TEX101: variants seen among roughly 807,000 people sequenced by gnomAD.
TEX101 encodes testis-expressed protein 101.
In TEX101, 10 loss-of-function variants were observed where a neutral mutation model predicts 18.1. The observed-to-expected ratio is 0.55, with a 90% CI of 0.34 to 0.94. The LOEUF is 0.94. Ranked by LOEUF, TEX101 falls within the 40% of genes least tolerant of loss-of-function variation. The pLI is 0.02. For missense variants in TEX101, 259 were observed against 298.9 expected (o/e 0.87, Z 0.98); for synonymous variants, 94 against 114.8 (o/e 0.82, Z 1.16).
chr19:43,410,681 T>C (rs10853766), upstream of TEX101, among the ~76,000 whole-genome samples: 118,776 of 151,464 alleles, frequency 0.78, 46,851 homozygotes, highest in East Asian at 0.92. Flanking sequence ...AGGAACCAGA[T>C]ACACACATGC....
intron 3 of TEX101, among the ~76,000 whole-genome samples, chr19:43,406,923 TG>T (rs1970369382): frequency 5.6e-5 from 6 of 106,558 alleles, no homozygotes; most frequent in African/African-American, 8.4e-5. Context: ...TTTTTGTCTT[TG>T]TTTTTTGTTT....
the TEX101 span, among the ~76,000 whole-genome samples, chr19:43,391,406 C>CTTTTTTTTTTTTTTTTTTTT: frequency 8.3e-5 from 8 of 95,896 alleles, no homozygotes; most frequent in Admixed American, 2.3e-4. Context: ...TTCTGTTTTT[C>CTTTTTTTTTTTTTTTTTTTT]TTTTTTTTTT....
chr19:43,389,408 T>A, the TEX101 span, among the ~76,000 whole-genome samples: 1 of 152,126 alleles, frequency 6.6e-6, no homozygotes, highest in Non-Finnish European at 1.5e-5. Flanking sequence ...ATTTTTTGAG[T>A]GGGGATCGGG....
the TEX101 span, among the ~76,000 whole-genome samples, chr19:43,391,066 C>CG: frequency 6.6e-6 from 1 of 152,192 alleles, no homozygotes; most frequent in Non-Finnish European, 1.5e-5. Flanking sequence ...TGTTGAAGCA[C>CG]CATCAGAACC....
upstream of TEX101, among the ~76,000 whole-genome samples, chr19:43,410,722 C>T (rs552760023): frequency 1.5e-4 from 23 of 151,396 alleles, no homozygotes; most frequent in East Asian, 7.7e-4. Flanking sequence ...ACATGTACAC[C>T]GAGACACACA....
chr19:43,406,504 C>T, exon 3 of TEX101: 1 of 755,574 alleles, frequency 1.3e-6, no homozygotes, highest in South Asian at 1.4e-5. Flanking sequence ...TCAGTTCCCG[C>T]ATGGGGGCGA....
At chr19:43,411,116 A>G (rs1970415609), upstream of TEX101, among the ~76,000 whole-genome samples, 1 of 152,116 alleles carries the variant, frequency 6.6e-6, no homozygotes, top group Non-Finnish European at 1.5e-5. Flanking sequence ...TTGCTCTGTC[A>G]CCCAGGCTGC....
At chr19:43,399,928 C>T (rs1269479005), upstream of TEX101, among the ~76,000 whole-genome samples, 2 of 151,948 alleles carry the variant, frequency 1.3e-5, no homozygotes, top group African/African-American at 4.8e-5. Context: ...AATTCTCCTG[C>T]CTCAGCCTCC....
rs1385929380 is a variant in TEX101 at position 43,418,178 on chromosome 19, G to A, written c.531G>A (p.Glu177=). 2 of 1,614,092 alleles carry A rather than the reference G, an allele frequency of 1.2e-6. No individual in the cohort carries two copies. The highest frequency in any genetic ancestry group is 2.7e-5 in the African/African-American group (2 of 74,922). Residue 177 remains glutamate (E), a synonymous_variant, in exon 6 of 6, where the codon GAG becomes GAA. Transcript: ENST00000598265. ...GKLEITGGGI[E]SSVEVKGCTA... Reference sequence around the variant, plus strand: ...TTCCTTGTTCTATAGGTGGCATTGAGTCGTCTGTGGAGGTCAAAGGCTGTA... The same window carrying A: ...TTCCTTGTTCTATAGGTGGCATTGAATCGTCTGTGGAGGTCAAAGGCTGTA...
chr19:43,389,471 G>A, the TEX101 span, among the ~76,000 whole-genome samples: 7 of 152,344 alleles, frequency 4.6e-5, no homozygotes, highest in East Asian at 1.3e-3. Context: ...GGTGCAGGGT[G>A]TGGTTTCTGC....
chr19:43,418,256 G>A lies in TEX101; in HGVS notation c.609G>A (p.Met203Ile), dbSNP rs1302926125. 1.9e-6 allele frequency: 3 copies of A among 1,614,240 alleles called. No homozygotes were observed. Among genetic ancestry groups the A allele is most frequent in the South Asian group, 1.1e-5 (1 of 91,084 alleles). Residue 203 changes from methionine to isoleucine, a missense_variant, in exon 6 of 6, where the codon ATG becomes ATA. Transcript: ENST00000598265. ...CTGGAATCTTAGCAGTAGGACCCAT[G>A]TTTGTGAGGGAAGCGTGCCCACATC... ...LMSGILAVGP[M>I]FVREACPHQL...
At chr19:43,400,976 T>C (rs1208968814), upstream of TEX101, among the ~76,000 whole-genome samples, 1 of 152,194 alleles carries the variant, frequency 6.6e-6, no homozygotes, top group African/African-American at 2.4e-5. Flanking sequence ...ACAGACCCAA[T>C]TCTTTGAGGG....
chr19:43,410,721 C>T (rs1009976957), upstream of TEX101, among the ~76,000 whole-genome samples: 3 of 151,734 alleles, frequency 2.0e-5, no homozygotes, highest in Non-Finnish European at 4.4e-5. Context: ...GACATGTACA[C>T]CGAGACACAC....
upstream of TEX101, among the ~76,000 whole-genome samples, chr19:43,401,182 TA>T: frequency 1.3e-5 from 2 of 152,260 alleles, 1 homozygote; most frequent in Non-Finnish European, 2.9e-5. Context: ...TCCACCTAAA[TA>T]AAAAAATTCA....
chr19:43,412,267 CGA>C (rs1163559915), upstream of TEX101, among the ~76,000 whole-genome samples: 3 of 151,948 alleles, frequency 2.0e-5, no homozygotes, highest in Non-Finnish European at 2.9e-5. Flanking sequence ...AGAAGGGGAG[CGA>C]GAGAGAGTAA....
chr19:43,411,366 G>A (rs535531425), upstream of TEX101, among the ~76,000 whole-genome samples: 10 of 152,118 alleles, frequency 6.6e-5, no homozygotes, highest in East Asian at 3.9e-4. Context: ...CTGAGCCACC[G>A]TGCCTGGCCC....
chr19:43,413,237 G>A (rs1003684915), upstream of TEX101, among the ~76,000 whole-genome samples: 2 of 152,178 alleles, frequency 1.3e-5, no homozygotes, highest in African/African-American at 4.8e-5. Context: ...GCCAGGCGTG[G>A]TGGCTCATGC....
intron 3 of TEX101, among the ~76,000 whole-genome samples, chr19:43,406,936 T>G (rs867491078): frequency 7.4e-4 from 102 of 137,062 alleles, no homozygotes; most frequent in African/African-American, 1.8e-3. Context: ...TTTTTGTTTT[T>G]TTTTTTTTTT....
rs528991764 is a variant in TEX101 at position 43,418,007 on chromosome 19, G to A, written c.520+1G>A. On this transcript the variant is annotated splice_donor_variant, in intron 5 of 5. Transcript: ENST00000598265. LOFTEE classifies it high-confidence loss of function. ...CAAGGAAAACTTGAGATCACTGGAG[G>A]TAAACTGAAATGAACATCTGATAGT... The A allele has an allele frequency of 6.2e-7, 1 of 1,614,152 alleles. No individual in the cohort carries two copies. The highest frequency in any genetic ancestry group is 1.3e-5 in the African/African-American group (1 of 75,036).
Sources: allele counts gnomAD v4.1 joint callset (sites outside exome capture counted in the v4.1 genomes callset), GRCh38; gene constraint gnomAD v4.1.1; transcripts MANE v1.5; gene names NCBI Gene and HGNC (gene_info 2026-07-23, HGNC 2026-07-21).